The following SORBS2 variants were observed in gnomAD, a reference collection of about 807,000 sequenced individuals.
SORBS2 encodes the protein sorbin and SH3 domain containing 2, also known as sorbin and SH3 domain-containing protein 2.
In SORBS2, 46 loss-of-function variants were observed where a neutral mutation model predicts 97.7. The ratio of observed to expected loss-of-function variants is 0.47; its 90% confidence interval spans 0.37 to 0.60. SORBS2 has a LOEUF of 0.60. Among genes scored for constraint, SORBS2 ranks in the 20% least tolerant of loss-of-function variants. The probability of loss-of-function intolerance (pLI) is 0.00; values close to 1 mark genes in which losing one functional copy is unlikely to be tolerated. For synonymous variants in SORBS2, 476 were observed against 473.4 expected (o/e 1.01, Z -0.07); for missense variants, 1,316 against 1,282.3 (o/e 1.03, Z -0.40).
At chr4:185,664,265 C>T (rs577796829) in intron 4 of SORBS2, among the ~76,000 whole-genome samples, 19 of 152,258 alleles carry the variant, frequency 1.2e-4, no homozygotes, top group South Asian at 2.1e-4. Context: ...TTAGGAAAAA[C>T]ATGTCATGAA....
chr4:185,768,607 G>A (rs1456188650), intron 2 of SORBS2, among the ~76,000 whole-genome samples: 1 of 150,066 alleles, frequency 6.7e-6, no homozygotes, highest in African/African-American at 2.5e-5. Flanking sequence ...GGTGAGGCAC[G>A]AGAATCACTT....
intron 12 of SORBS2, among the ~76,000 whole-genome samples, chr4:185,611,440 A>G (rs998830884): frequency 6.6e-6 from 1 of 151,826 alleles, no homozygotes; most frequent in Admixed American, 6.6e-5. Flanking sequence ...ATAAAAATGA[A>G]GCTTTAGGAA....
intron 1 of SORBS2, among the ~76,000 whole-genome samples, chr4:185,845,469 T>C (rs1481958320): frequency 6.6e-6 from 1 of 152,154 alleles, no homozygotes; most frequent in Non-Finnish European, 1.5e-5. Flanking sequence ...GTAAACCTTA[T>C]AGAAGAAAAC....
At chr4:185,652,249 A>G (rs1478768269) in intron 2 of SORBS2, among the ~76,000 whole-genome samples, 1 of 152,166 alleles carries the variant, frequency 6.6e-6, no homozygotes, top group Admixed American at 6.5e-5. Context: ...CTGGATCGCA[A>G]ATTTCCTTTA....
chr4:185,842,553 T>G (rs929859468), intron 1 of SORBS2, among the ~76,000 whole-genome samples: 11 of 152,134 alleles, frequency 7.2e-5, no homozygotes, highest in Non-Finnish European at 1.6e-4. Flanking sequence ...AAGGGGCAAC[T>G]TGATCAGATT....
At chr4:185,822,338 T>A (rs1040483657) in intron 1 of SORBS2, among the ~76,000 whole-genome samples, 2 of 152,198 alleles carry the variant, frequency 1.3e-5, no homozygotes, top group African/African-American at 4.8e-5. Flanking sequence ...CTGTATTCCT[T>A]GTTGGTAACC....
intron 4 of SORBS2, among the ~76,000 whole-genome samples, chr4:185,671,977 T>C (rs1031854652): frequency 1.3e-5 from 2 of 152,254 alleles, no homozygotes; most frequent in African/African-American, 4.8e-5. Context: ...TTTAAATACA[T>C]GCATATGCAT....
chr4:185,813,166 G>A (rs748141728), intron 1 of SORBS2: 1 of 152,096 alleles, frequency 6.6e-6, no homozygotes, highest in African/African-American at 2.4e-5. Flanking sequence ...TTTGTTTCTA[G>A]CAATCTGTTT....
chr4:185,914,143 T>C (rs150241048), intron 1 of SORBS2, among the ~76,000 whole-genome samples: 194 of 152,374 alleles, frequency 1.3e-3, no homozygotes, highest in African/African-American at 4.3e-3. Flanking sequence ...ATAACTAGCT[T>C]GCTCTAGCTT....
chr4:185,925,558 G>A (rs1391958599), intron 1 of SORBS2, among the ~76,000 whole-genome samples: 2 of 152,152 alleles, frequency 1.3e-5, no homozygotes, highest in Non-Finnish European at 2.9e-5. Flanking sequence ...AAATATGTAT[G>A]AGACGCGTAT....
chr4:185,907,349 T>A (rs1561288273), intron 1 of SORBS2, among the ~76,000 whole-genome samples: 1 of 152,190 alleles, frequency 6.6e-6, no homozygotes, highest in East Asian at 1.9e-4. Context: ...AGTAAGAAAC[T>A]CGTTTAGAGC....
intron 4 of SORBS2, among the ~76,000 whole-genome samples, chr4:185,662,680 T>A (rs1392060936): frequency 6.6e-6 from 1 of 152,234 alleles, no homozygotes; most frequent in African/African-American, 2.4e-5. Flanking sequence ...GTTCTCAGAC[T>A]TAGTCAGGGA....
At chr4:185,711,517 C>T (rs538730818) in intron 2 of SORBS2, among the ~76,000 whole-genome samples, 1 of 152,298 alleles carries the variant, frequency 6.6e-6, no homozygotes, top group East Asian at 1.9e-4. Flanking sequence ...TTCTAAGTGT[C>T]AAAGTGCCCA....
At chr4:185,603,655 T>C (rs1486692074) in intron 12 of SORBS2, among the ~76,000 whole-genome samples, 1 of 152,218 alleles carries the variant, frequency 6.6e-6, no homozygotes, top group East Asian at 1.9e-4. Flanking sequence ...TCACCTTTTT[T>C]CCAAAGGAAA....
chr4:185,850,612 G>T (rs553918779), intron 1 of SORBS2, among the ~76,000 whole-genome samples: 1 of 152,198 alleles, frequency 6.6e-6, no homozygotes, highest in African/African-American at 2.4e-5. Flanking sequence ...CTGGTCAACT[G>T]CCTGTGCTGA....
chr4:185,786,950 ATTT>A (rs35546450), intron 1 of SORBS2, among the ~76,000 whole-genome samples: 1,081 of 99,912 alleles, frequency 0.011, 25 homozygotes, highest in African/African-American at 0.035. Flanking sequence ...ATGTTCATCC[ATTT>A]TTTTTTTTTT....
At chr4:185,790,751 C>T (rs1017705176) in intron 1 of SORBS2, among the ~76,000 whole-genome samples, 2 of 152,194 alleles carry the variant, frequency 1.3e-5, no homozygotes, top group African/African-American at 2.4e-5. Flanking sequence ...CAGACAAATA[C>T]TCTAAAATAT....
At chr4:185,777,448 A>T (rs1367156696) in intron 1 of SORBS2, among the ~76,000 whole-genome samples, 1 of 152,170 alleles carries the variant, frequency 6.6e-6, no homozygotes, top group African/African-American at 2.4e-5. Flanking sequence ...ATAATAGTTT[A>T]TACCAAAAAA....
intron 14 of SORBS2, 186 bp from the exon 27 acceptor site, chr4:185,587,874 C>T (rs1041614891): frequency 1.9e-6 from 1 of 531,902 alleles, no homozygotes; most frequent in Admixed American, 3.3e-5. Context: ...GGTTGCCTGA[C>T]GCTCTCACTG....
Sources: gnomAD v4.1 joint callset for allele counts (sites outside exome capture counted in the v4.1 genomes callset) on GRCh38, gnomAD v4.1.1 for gene constraint, MANE v1.5 for transcripts, NCBI Gene and HGNC (gene_info 2026-07-23, HGNC 2026-07-21) for gene names.